The following ZC3H12B variants were observed in gnomAD, a reference collection of about 807,000 sequenced individuals.
ZC3H12B encodes zinc finger CCCH-type containing 12B, also known as probable ribonuclease ZC3H12B.
Under a neutral mutation model 43.9 loss-of-function variants are expected in ZC3H12B, and 7 were observed. The observed-to-expected ratio is 0.16, with a 90% confidence interval of 0.09 to 0.30. ZC3H12B has a LOEUF of 0.30. Among genes scored for constraint, ZC3H12B ranks in the 10% least tolerant of loss-of-function variants. The pLI, the probability that ZC3H12B is intolerant of heterozygous loss-of-function variation, is 1.00. For synonymous variants in ZC3H12B, 222 were observed against 241.7 expected, an observed-to-expected ratio of 0.92 and a Z score of 0.76; for missense variants, 475 against 670.2, an observed-to-expected ratio of 0.71 and a Z score of 3.22.
At chrX:65,054,809 T>C in the ZC3H12B span, among the ~76,000 whole-genome samples, 1 of 111,460 alleles carries the variant, frequency 9.0e-6, no homozygotes, top group Non-Finnish European at 1.9e-5. Context: ...TCACATCCCT[T>C]GTAAGTTGGA....
chrX:65,269,951 C>T, the ZC3H12B span, among the ~76,000 whole-genome samples: 1 of 111,636 alleles, frequency 9.0e-6, no homozygotes, highest in Non-Finnish European at 1.9e-5. Context: ...TTAAAATGTT[C>T]ATATTACCCA....
At chrX:65,356,675 AT>A in the ZC3H12B span, among the ~76,000 whole-genome samples, 1 of 111,930 alleles carries the variant, frequency 8.9e-6, no homozygotes, top group Non-Finnish European at 1.9e-5. Context: ...TTTAAAAGCT[AT>A]AAAATGAAAG....
chrX:65,167,954 C>T, the ZC3H12B span, among the ~76,000 whole-genome samples: 19 of 111,811 alleles, frequency 1.7e-4, no homozygotes, highest in East Asian at 5.6e-4. Flanking sequence ...ATGGGGTTTT[C>T]GAAATATACA....
At chrX:65,141,940 T>C in the ZC3H12B span, among the ~76,000 whole-genome samples, 1 of 112,145 alleles carries the variant, frequency 8.9e-6, no homozygotes, top group Non-Finnish European at 1.9e-5. Flanking sequence ...GGATTCACGT[T>C]TTTGCAATTG....
At chrX:65,468,485 C>CTTTT (rs756168806) in intron 3 of ZC3H12B, among the ~76,000 whole-genome samples, 4 of 88,059 alleles carry the variant, frequency 4.5e-5, no homozygotes, top group African/African-American at 4.9e-5. Context: ...TTCTTTCTTT[C>CTTTT]TTTTTTTTTT....
the ZC3H12B span, among the ~76,000 whole-genome samples, chrX:65,249,324 A>C: frequency 8.9e-6 from 1 of 111,966 alleles, no homozygotes; most frequent in Non-Finnish European, 1.9e-5. Context: ...ATTTGTTGAA[A>C]ATGGTATCCT....
chrX:65,392,093 G>T (rs1362656041), intron 2 of ZC3H12B, among the ~76,000 whole-genome samples: 2 of 111,452 alleles, frequency 1.8e-5, no homozygotes, highest in Non-Finnish European at 3.8e-5. Flanking sequence ...CTGGAGTGCA[G>T]TGGCATGATC....
chrX:65,489,115 A>T lies in ZC3H12B; in HGVS notation c.314A>T (p.Glu105Val). 8.3e-7 allele frequency: 1 copy of T among 1,211,886 alleles called. No homozygotes were observed. Among genetic ancestry groups the T allele is most frequent in the Non-Finnish European group, 1.1e-6 (1 of 895,488 alleles). Residue 105 changes from glutamate (E) to valine (V), a missense_variant, in exon 1 of 5, where the codon GAG (glutamate) becomes GTG (valine). By Grantham distance (121) the Glu-to-Val change is moderately radical (BLOSUM62 -2). Around this residue, in one of 3 missense-constraint regions of ZC3H12B, gnomAD observed 160 missense variants for 236.0 expected, o/e 0.68. Transcript: ENST00000338957. ...TTACAGGATGGTAAACTTGACTTGG[A>T]GAAGGAATACCAAGCTAAGATGGAG...
chrX:65,193,404 A>C, the ZC3H12B span, among the ~76,000 whole-genome samples: 1 of 111,281 alleles, frequency 9.0e-6, no homozygotes, highest in South Asian at 3.8e-4. Context: ...CTTGCTTCTA[A>C]ATTTTCCAAT....
At chrX:65,314,213 G>A in the ZC3H12B span, among the ~76,000 whole-genome samples, 270 of 110,703 alleles carry the variant, frequency 2.4e-3, 2 homozygotes, top group African/African-American at 5.8e-3. Flanking sequence ...TGAGTTCCTG[G>A]CAGAGAGAAG....
chrX:65,151,705 A>G, the ZC3H12B span, among the ~76,000 whole-genome samples: 4 of 111,904 alleles, frequency 3.6e-5, no homozygotes, highest in African/African-American at 6.5e-5. Flanking sequence ...CAATACAAAA[A>G]GAAGGAATCC....
the ZC3H12B span, among the ~76,000 whole-genome samples, chrX:65,144,199 G>T: frequency 1.8e-5 from 2 of 111,393 alleles, no homozygotes; most frequent in Non-Finnish European, 3.8e-5. Flanking sequence ...TCTGTTCAAG[G>T]TATCTGATTC....
At chrX:65,167,332 T>G in the ZC3H12B span, among the ~76,000 whole-genome samples, 5 of 111,941 alleles carry the variant, frequency 4.5e-5, no homozygotes, top group African/African-American at 1.6e-4. Context: ...TTGTCAGGTT[T>G]GTCAAAGATC....
At chrX:65,409,920 T>C (rs944255167) in intron 3 of ZC3H12B, among the ~76,000 whole-genome samples, 3 of 110,305 alleles carry the variant, frequency 2.7e-5, no homozygotes, top group African/African-American at 9.9e-5. Flanking sequence ...GTAATCCCTA[T>C]CAAAATGCCA....
the ZC3H12B span, among the ~76,000 whole-genome samples, chrX:65,182,748 A>G: frequency 1.8e-5 from 2 of 111,351 alleles, no homozygotes; most frequent in Non-Finnish European, 3.8e-5. Flanking sequence ...AACCCTATTT[A>G]AAAGTTTGCA....
At chrX:65,480,966 T>C (rs180753508) in intron 3 of ZC3H12B, among the ~76,000 whole-genome samples, 19 of 111,482 alleles carry the variant, frequency 1.7e-4, no homozygotes, top group Non-Finnish European at 3.6e-4. Context: ...GATACAAACA[T>C]GAATGTGGAC....
chrX:65,481,972 T>C (rs1446223249), intron 3 of ZC3H12B, among the ~76,000 whole-genome samples: 1 of 111,608 alleles, frequency 9.0e-6, no homozygotes, highest in Non-Finnish European at 1.9e-5. Flanking sequence ...ATGGCTGCAA[T>C]ACTGCAGCTA....
the ZC3H12B span, among the ~76,000 whole-genome samples, chrX:65,162,092 G>A: frequency 8.6e-4 from 96 of 111,048 alleles, no homozygotes; most frequent in Non-Finnish European, 1.5e-3. Context: ...TTGAGTATTG[G>A]CCCCCACTCT....
chrX:65,318,017 T>G, the ZC3H12B span, among the ~76,000 whole-genome samples: 3 of 108,896 alleles, frequency 2.8e-5, no homozygotes, highest in Non-Finnish European at 5.7e-5. Context: ...TAATGACTTC[T>G]TTTCCTCTGG....
Sources: gnomAD v4.1 joint callset for allele counts (sites outside exome capture counted in the v4.1 genomes callset) on GRCh38, gnomAD v4.1.1 for gene constraint, gnomAD v4.1.1 regional missense constraint, MANE v1.5 for transcripts, NCBI Gene and HGNC (gene_info 2026-07-23, HGNC 2026-07-21) for gene names.